Variants in CC2D2A observed in about 807,000 individuals in gnomAD.
CC2D2A encodes the protein coiled-coil and C2 domain-containing protein 2A.
Under a neutral mutation model 212.9 loss-of-function variants are expected in CC2D2A, and 155 were observed. That is an observed-to-expected ratio of 0.73 (90% confidence interval 0.64 to 0.83). The LOEUF is 0.83. CC2D2A is among the 40% of genes least tolerant of loss of function. CC2D2A has a pLI of 0.00. For synonymous variants in CC2D2A, 667 were observed against 686.5 expected (o/e 0.97, Z 0.44); for missense variants, 1,856 against 1,956.2 (o/e 0.95, Z 0.97).
chr4:15,577,255 C>A (rs1484203331), intron 29 of CC2D2A, among the ~76,000 whole-genome samples: 1 of 152,184 alleles, frequency 6.6e-6, no homozygotes, highest in Non-Finnish European at 1.5e-5. Context: ...GTCAGCCTCC[C>A]AAAGTGCTGA....
intron 35 of CC2D2A, among the ~76,000 whole-genome samples, chr4:15,598,242 T>G (rs113500639): frequency 6.6e-6 from 1 of 152,214 alleles, no homozygotes; most frequent in South Asian, 2.1e-4. Context: ...GTCCATACTT[T>G]CGTGCGCAGA....
intron 17 of CC2D2A, among the ~76,000 whole-genome samples, chr4:15,541,743 AAAATTAAT>A (rs1577361465): frequency 6.6e-6 from 1 of 152,274 alleles, no homozygotes; most frequent in East Asian, 1.9e-4. Flanking sequence ...GGATCCCCCA[AAAATTAAT>A]AAATCTCCTC....
chr4:15,597,378 T>C, intron 34 of CC2D2A, 29 bp from the exon 35 acceptor site: 1 of 1,506,078 alleles, frequency 6.6e-7, no homozygotes, highest in Non-Finnish European at 9.0e-7. Flanking sequence ...GTGATTTTTA[T>C]ACTTTCTGAA....
At chr4:15,543,708 C>G (rs1404027364) in intron 17 of CC2D2A, 1 of 152,324 alleles carries the variant, frequency 6.6e-6, no homozygotes, top group Non-Finnish European at 1.5e-5. Context: ...ACTCTCTATT[C>G]CATCTGCTCT....
chr4:15,559,645 C>G (rs1447360333), intron 22 of CC2D2A, among the ~76,000 whole-genome samples: 1 of 143,622 alleles, frequency 7.0e-6, no homozygotes, highest in East Asian at 1.9e-4. Context: ...AAAATTAAAG[C>G]TGAAACATCC....
intron 32 of CC2D2A, among the ~76,000 whole-genome samples, chr4:15,589,213 T>G (rs989603361): frequency 1.3e-5 from 2 of 152,174 alleles, no homozygotes; most frequent in African/African-American, 4.8e-5. Flanking sequence ...AATGGCAGTC[T>G]TACTGACTCT....
chr4:15,579,012 A>C (rs1056679353), intron 29 of CC2D2A, among the ~76,000 whole-genome samples: 3 of 82,578 alleles, frequency 3.6e-5, no homozygotes, highest in Non-Finnish European at 4.9e-5. Context: ...CAACTATGAA[A>C]ATATTTTTAT....
chr4:15,497,098 T>C (rs1715660210), intron 4 of CC2D2A, among the ~76,000 whole-genome samples: 2 of 152,152 alleles, frequency 1.3e-5, no homozygotes. Context: ...TGAGCCCAAA[T>C]AGCCAACATG....
At chr4:15,588,074 A>G in intron 32 of CC2D2A, 145 bp downstream of exon 32, 1 of 555,296 alleles carries the variant, frequency 1.8e-6, no homozygotes, top group South Asian at 2.6e-5. Context: ...GGGCAGAGAG[A>G]ACTACCAGTG....
At chr4:15,558,075 T>C (rs28534607) in intron 21 of CC2D2A, among the ~76,000 whole-genome samples, 40,937 of 151,872 alleles carry the variant, frequency 0.27, 5,710 homozygotes, top group East Asian at 0.46. Flanking sequence ...AGGTGTGGGG[T>C]GGAGGAGCCT....
intron 11 of CC2D2A, 45 bp downstream of exon 11, chr4:15,516,801 T>C: frequency 6.3e-7 from 1 of 1,584,834 alleles, no homozygotes; most frequent in Non-Finnish European, 8.6e-7. Context: ...AAATTGAAAG[T>C]GCTTTGCTTT....
intron 27 of CC2D2A, among the ~76,000 whole-genome samples, chr4:15,569,918 TG>T (rs1720078283): frequency 6.6e-6 from 1 of 152,196 alleles, no homozygotes; most frequent in Admixed American, 6.5e-5. Flanking sequence ...TTTCTGGGAA[TG>T]CAGCCCAGCA....
chr4:15,538,979 G>A (rs796515942), intron 16 of CC2D2A, among the ~76,000 whole-genome samples: 25 of 152,060 alleles, frequency 1.6e-4, no homozygotes, highest in African/African-American at 5.8e-4. Flanking sequence ...CAGGAGGATC[G>A]CTTGAGGCCA....
At chr4:15,481,256 C>G (rs1268329893) in intron 4 of CC2D2A, 1 of 454,568 alleles carries the variant, frequency 2.2e-6, no homozygotes, top group South Asian at 1.6e-5. Context: ...CGTCTGTAAT[C>G]CCAGCACTTT....
chr4:15,550,673 T>C (rs532274843), intron 17 of CC2D2A, 151 bp from the exon 18 acceptor site: 1 of 477,154 alleles, frequency 2.1e-6, no homozygotes, highest in South Asian at 8.5e-5. Context: ...ATGGAAACCA[T>C]ATAGTAACAC....
At chr4:15,528,326 GTTCTAAGATATACACATAAAAGTAATATT>G (rs2109024844) in intron 12 of CC2D2A, among the ~76,000 whole-genome samples, 1 of 152,240 alleles carries the variant, frequency 6.6e-6, no homozygotes, top group East Asian at 1.9e-4. Flanking sequence ...AGAAAACTTG[GTTCTAAGATATACACATAAAAGTAATATT>G]TTCATAAGCA....
chr4:15,526,741 C>T (rs73237149), intron 11 of CC2D2A, among the ~76,000 whole-genome samples: 19,994 of 152,092 alleles, frequency 0.13, 1,505 homozygotes, highest in African/African-American at 0.21. Context: ...CCTTGAGCTC[C>T]CACCCACAGT....
In CC2D2A at chr4:15,534,883, A is replaced by G. The variant is rs572471051; in HGVS notation, c.1607+1550A>G. On this transcript the variant is annotated intron_variant, in intron 14 of 36. Coordinates refer to ENST00000424120, the MANE Select transcript of CC2D2A (RefSeq NM_001378615.1). Reference sequence around the variant, plus strand: ...CCTGCCACTTAGTATCTGCTCAGTTAATGTTGGTTAACAATAGTAACAAAT... The same window carrying G: ...CCTGCCACTTAGTATCTGCTCAGTTGATGTTGGTTAACAATAGTAACAAAT... Among the ~76,000 whole-genome samples the G allele has an allele frequency of 1.7e-4, 26 of 152,172 alleles. No individual in the cohort carries two copies. In the South Asian group the frequency reaches 5.4e-3, roughly 32 times the overall value.
intron 30 of CC2D2A, among the ~76,000 whole-genome samples, chr4:15,583,085 G>C (rs1042206845): frequency 6.6e-6 from 1 of 152,080 alleles, no homozygotes; most frequent in Non-Finnish European, 1.5e-5. Flanking sequence ...TCAAGGACAA[G>C]AACCACTTGA....
Sources: allele counts gnomAD v4.1 joint callset (sites outside exome capture counted in the v4.1 genomes callset), GRCh38; gene constraint gnomAD v4.1.1; transcripts MANE v1.5; gene names NCBI Gene and HGNC (gene_info 2026-07-23, HGNC 2026-07-21).